CSMD1: variants seen among roughly 807,000 people sequenced by gnomAD.
The protein encoded by CSMD1 is CUB and sushi domain-containing protein 1.
CSMD1 carries 213 observed loss-of-function variants against 417.5 expected under a neutral mutation model. That is an observed-to-expected ratio of 0.51 (90% CI 0.46 to 0.57). CSMD1 has a LOEUF of 0.57. Ranked by LOEUF, CSMD1 falls within the 20% of genes least tolerant of loss-of-function variation. The pLI, the probability that CSMD1 is intolerant of heterozygous loss-of-function variation, is 0.00. For synonymous variants in CSMD1, 2,862 were observed against 1,736.8 expected, an observed-to-expected ratio of 1.65 and a Z score of -16.11; for missense variants, 6,923 against 4,529.7, an observed-to-expected ratio of 1.53 and a Z score of -15.17.
chr8:3,660,146 T>A (rs1439010312), intron 7 of CSMD1, among the ~76,000 whole-genome samples: 1 of 152,212 alleles, frequency 6.6e-6, no homozygotes, highest in Non-Finnish European at 1.5e-5. Flanking sequence ...ACTACATTAT[T>A]TCATTTGTAA....
intron 2 of CSMD1, among the ~76,000 whole-genome samples, chr8:4,480,302 C>G (rs1052973066): frequency 6.6e-6 from 1 of 152,042 alleles, no homozygotes. Flanking sequence ...TTGCACAAAT[C>G]ACTTAACCTG....
chr8:4,607,685 T>TCC (rs1800951947), intron 2 of CSMD1, among the ~76,000 whole-genome samples: 2 of 151,864 alleles, frequency 1.3e-5, no homozygotes, highest in African/African-American at 4.8e-5. Flanking sequence ...CCACCTTTTT[T>TCC]CCAGCAATCT....
At chr8:4,967,744 T>C (rs1236568327) in intron 1 of CSMD1, among the ~76,000 whole-genome samples, 1 of 152,166 alleles carries the variant, frequency 6.6e-6, no homozygotes. Flanking sequence ...AGTTCATCAA[T>C]AATGAACTTC....
chr8:3,856,962 A>G (rs537642080), intron 5 of CSMD1, among the ~76,000 whole-genome samples: 1 of 151,724 alleles, frequency 6.6e-6, no homozygotes, highest in Non-Finnish European at 1.5e-5. Context: ...CAAAGAATCA[A>G]GTAGAATTTG....
chr8:4,708,071 GT>G, intron 1 of CSMD1, among the ~76,000 whole-genome samples: 1 of 152,250 alleles, frequency 6.6e-6, no homozygotes. Flanking sequence ...AGCCTCTGCA[GT>G]AGCTGGGAGA....
chr8:4,237,592 T>G (rs544207091), intron 3 of CSMD1, among the ~76,000 whole-genome samples: 2 of 151,900 alleles, frequency 1.3e-5, no homozygotes, highest in African/African-American at 4.8e-5. Flanking sequence ...TGGAGCACAA[T>G]AGTGTCATCA....
At chr8:3,889,471 A>G (rs1275024345) in intron 5 of CSMD1, among the ~76,000 whole-genome samples, 1 of 104,534 alleles carries the variant, frequency 9.6e-6, no homozygotes, top group Non-Finnish European at 2.0e-5. Context: ...ATATATATAT[A>G]TATATATATA....
intron 3 of CSMD1, among the ~76,000 whole-genome samples, chr8:4,338,758 T>C (rs1585262232): frequency 6.6e-6 from 1 of 152,118 alleles, no homozygotes; most frequent in Admixed American, 6.6e-5. Context: ...GAATATTAAA[T>C]TCTCCTTGAA....
intron 1 of CSMD1, among the ~76,000 whole-genome samples, chr8:4,786,126 G>C (rs1259929286): frequency 1.3e-5 from 2 of 152,134 alleles, no homozygotes; most frequent in South Asian, 2.1e-4. Flanking sequence ...TATCCTGTTT[G>C]CTTCTAAAAA....
chr8:3,218,882 G>C (rs566064006), intron 29 of CSMD1, among the ~76,000 whole-genome samples: 28 of 144,408 alleles, frequency 1.9e-4, no homozygotes, highest in African/African-American at 6.6e-4. Flanking sequence ...CAAGAAAAAA[G>C]AAAAAAAAAA....
chr8:4,776,075 A>T (rs1241817601), intron 1 of CSMD1, among the ~76,000 whole-genome samples: 1 of 152,096 alleles, frequency 6.6e-6, no homozygotes, highest in African/African-American at 2.4e-5. Flanking sequence ...GAGTGTTTGG[A>T]TCTCAGATTT....
chr8:3,875,852 T>C (rs1271171028), intron 5 of CSMD1, among the ~76,000 whole-genome samples: 2 of 152,186 alleles, frequency 1.3e-5, no homozygotes, highest in East Asian at 1.9e-4. Flanking sequence ...GGATTGCCTT[T>C]TGGAAACACT....
rs759268228 is a variant in CSMD1, at chr8:4,530,314, C to CTTTTTTTTTTTTTTTTTTTTTT, written c.302+107006_302+107027dup. On this transcript the variant is annotated intron_variant, in intron 2 of 69. Coordinates refer to ENST00000635120, the MANE Select transcript of CSMD1 (RefSeq NM_033225.6). ...TTCACAGTTTATCGTACAGGTAGTG[C>CTTTTTTTTTTTTTTTTTTTTTT]TTTTTTTTTTTTTTTTTTTTTTTTT... is the stretch of plus-strand genomic sequence containing the variant. 1.5e-4 allele frequency among the ~76,000 whole-genome samples: 7 copies of CTTTTTTTTTTTTTTTTTTTTTT among 46,686 alleles called. 2 individuals carry two copies. Among genetic ancestry groups the CTTTTTTTTTTTTTTTTTTTTTT allele is most frequent in the Non-Finnish European group, 2.6e-4 (7 of 27,188 alleles). 30.6% of individuals were successfully genotyped at this position (46,686 alleles called of 152,430 possible).
chr8:3,978,327 C>T (rs1463474184), intron 5 of CSMD1, among the ~76,000 whole-genome samples: 1 of 152,192 alleles, frequency 6.6e-6, no homozygotes, highest in African/African-American at 2.4e-5. Flanking sequence ...CCACATGGCT[C>T]TCTTTTTTCC....
intron 5 of CSMD1, among the ~76,000 whole-genome samples, chr8:3,814,319 A>C (rs890083943): frequency 6.6e-6 from 1 of 152,206 alleles, no homozygotes; most frequent in African/African-American, 2.4e-5. Flanking sequence ...CAGTTCCTGC[A>C]AACCAGAGCC....
At chr8:3,051,554 C>T (rs1014633327) in intron 50 of CSMD1, among the ~76,000 whole-genome samples, 7 of 152,102 alleles carry the variant, frequency 4.6e-5, no homozygotes, top group Admixed American at 1.3e-4. Context: ...ACACGTAGTT[C>T]ACCTATATAA....
In CSMD1 at chr8:3,012,301, C is replaced by G. The variant is rs192958905; in HGVS notation, c.8029+6176G>C. On this transcript the variant is annotated intron_variant, in intron 52 of 69. Transcript: ENST00000635120. ...TTGAATATTAGGTGTAGAAAATCAT[C>G]TTTTCTTTCCTTAAATACAGCTGTC... Among the ~76,000 whole-genome samples, 20 of 152,292 alleles carry G rather than the reference C, an allele frequency of 1.3e-4. No individual in the cohort carries two copies. In the East Asian group the frequency reaches 3.5e-3, roughly 26 times the overall value.
chr8:2,964,134 T>G (rs1274541148), intron 59 of CSMD1, among the ~76,000 whole-genome samples: 1 of 152,208 alleles, frequency 6.6e-6, no homozygotes, highest in Non-Finnish European at 1.5e-5. Flanking sequence ...TCCCTAGTTT[T>G]TGAAATGAAT....
chr8:4,839,714 T>C (rs755169006), intron 1 of CSMD1, among the ~76,000 whole-genome samples: 31 of 152,228 alleles, frequency 2.0e-4, no homozygotes, highest in Non-Finnish European at 3.7e-4. Context: ...ATAAGTACAA[T>C]TTTGGTAATA....
Sources: allele counts gnomAD v4.1 joint callset (sites outside exome capture counted in the v4.1 genomes callset), GRCh38; gene constraint gnomAD v4.1.1; transcripts MANE v1.5; gene names NCBI Gene and HGNC (gene_info 2026-07-23, HGNC 2026-07-21).